Variants in GAPVD1 observed in about 807,000 individuals in gnomAD.
The protein encoded by GAPVD1 is GTPase activating protein and VPS9 domains 1.
GAPVD1 carries 35 observed loss-of-function variants against 155.5 expected under a neutral mutation model. The ratio of observed to expected loss-of-function variants is 0.23; its 90% CI spans 0.17 to 0.30. The LOEUF is 0.30. Ranked by LOEUF, GAPVD1 falls within the 10% of genes least tolerant of loss-of-function variation. GAPVD1 has a pLI of 1.00. For missense variants in GAPVD1, 1,429 were observed against 1,775.7 expected (o/e 0.80, Z 3.51); for synonymous variants, 636 against 619.7 (o/e 1.03, Z -0.39).
intron 6 of GAPVD1, among the ~76,000 whole-genome samples, chr9:125,305,578 C>T (rs911631810): frequency 2.0e-5 from 3 of 152,076 alleles, no homozygotes; most frequent in Admixed American, 1.3e-4. Flanking sequence ...ACCTTCTTGG[C>T]CAGGCTGGTC....
At chr9:125,323,143 G>C (rs995253250) in intron 10 of GAPVD1, among the ~76,000 whole-genome samples, 11 of 149,370 alleles carry the variant, frequency 7.4e-5, no homozygotes, top group Non-Finnish European at 1.6e-4. Context: ...TCTCACTTTT[G>C]TTGCCCAGGC....
chr9:125,308,030 G>T, intron 8 of GAPVD1, 150 bp downstream of exon 8: 2 of 642,046 alleles, frequency 3.1e-6, no homozygotes, highest in Non-Finnish European at 5.5e-6. Context: ...TTTAGAAATC[G>T]TATCAGATTA....
At chr9:125,265,712 A>G (rs1237835765) in intron 1 of GAPVD1, among the ~76,000 whole-genome samples, 1 of 11,144 alleles carries the variant, frequency 9.0e-5, no homozygotes, top group Non-Finnish European at 1.9e-4. Context: ...CGCCCGGCCA[A>G]AAAAAAAATT....
chr9:125,286,945 G>C (rs1191040520), intron 2 of GAPVD1, among the ~76,000 whole-genome samples: 2 of 151,994 alleles, frequency 1.3e-5, no homozygotes, highest in Non-Finnish European at 2.9e-5. Flanking sequence ...TTAGCTGGAC[G>C]TGGTCGGGGG....
intron 2 of GAPVD1, among the ~76,000 whole-genome samples, chr9:125,272,310 C>T (rs1835050222): frequency 6.6e-6 from 1 of 152,208 alleles, no homozygotes; most frequent in Middle Eastern, 3.2e-3. Context: ...GCGTGAACCT[C>T]CGCGCCCAGC....
At chr9:125,331,431 C>T (rs1297765553) in intron 13 of GAPVD1, among the ~76,000 whole-genome samples, 1 of 152,116 alleles carries the variant, frequency 6.6e-6, no homozygotes, top group Non-Finnish European at 1.5e-5. Flanking sequence ...GAACTCCTGA[C>T]CTCAGGTGAT....
At chr9:125,351,982 C>T (rs1221161833) in intron 23 of GAPVD1, among the ~76,000 whole-genome samples, 5 of 152,144 alleles carry the variant, frequency 3.3e-5, no homozygotes, top group African/African-American at 1.2e-4. Flanking sequence ...CTCAAGTGAT[C>T]CACCTAACTC....
rs1849951145 is a variant in GAPVD1 at position 125,355,569 on chromosome 9, T to C, written c.3758-75T>C. On this transcript the variant is annotated intron_variant, in intron 24 of 27. Transcript: ENST00000297933. ...CTGCATAGCTAGTGATTAAAATTAT[T>C]TCTATGATTTCCTTTTTAAAATTAT... is the stretch of plus-strand genomic sequence containing the variant. 4.2e-6 allele frequency: 4 copies of C among 944,322 alleles called. No individual in the cohort carries two copies. In the Admixed American group the frequency reaches 1.0e-4, roughly 24 times the overall value. 58.5% of individuals were successfully genotyped at this position (944,322 alleles called of 1,614,324 possible). A position where few individuals can be genotyped will look rare whatever the true frequency, so the allele number is the denominator to read the frequency against.
chr9:125,345,012 A>T (rs567773342), intron 19 of GAPVD1, among the ~76,000 whole-genome samples: 1 of 152,118 alleles, frequency 6.6e-6, no homozygotes, highest in South Asian at 2.1e-4. Context: ...ATACTCAGGG[A>T]ATTGGTTCCA....
chr9:125,313,233 T>A (rs1048790100), intron 9 of GAPVD1, among the ~76,000 whole-genome samples: 1 of 152,112 alleles, frequency 6.6e-6, no homozygotes, highest in Non-Finnish European at 1.5e-5. Context: ...GGGTTAGAAT[T>A]TCAACATACA....
intron 1 of GAPVD1, chr9:125,264,177 A>G (rs570655130): frequency 4.5e-6 from 3 of 662,040 alleles, no homozygotes; most frequent in East Asian, 5.5e-5. Context: ...AAAAATTTGG[A>G]TGGGATCAGG....
chr9:125,351,336 C>G (rs1204741756), intron 23 of GAPVD1, among the ~76,000 whole-genome samples: 1 of 152,184 alleles, frequency 6.6e-6, no homozygotes, highest in African/African-American at 2.4e-5. Flanking sequence ...GGGGACACAG[C>G]CAAACCATAT....
chr9:125,361,407 G>A (rs892683450), intron 27 of GAPVD1, among the ~76,000 whole-genome samples: 3 of 151,732 alleles, frequency 2.0e-5, no homozygotes, highest in South Asian at 2.1e-4. Flanking sequence ...TCCTGTAATC[G>A]CAGCTACTTG....
chr9:125,354,968 G>A (rs1849847836), intron 24 of GAPVD1, 127 bp downstream of exon 24: 2 of 567,660 alleles, frequency 3.5e-6, no homozygotes, highest in Admixed American at 3.1e-5. Context: ...TTATTTTATG[G>A]AATCTTAATA....
chr9:125,355,267 A>G (rs996251167), intron 24 of GAPVD1, among the ~76,000 whole-genome samples: 2 of 152,002 alleles, frequency 1.3e-5, no homozygotes, highest in Non-Finnish European at 2.9e-5. Context: ...CACCACGCCC[A>G]GCTAATTTTC....
intron 26 of GAPVD1, 185 bp downstream of exon 26, chr9:125,359,677 A>G (rs1850642552): frequency 5.5e-6 from 3 of 542,204 alleles, no homozygotes; most frequent in East Asian, 3.0e-5. Context: ...ATTCCCTGGT[A>G]TGAAATAGTA....
chr9:125,276,072 A>G (rs1362605121), intron 2 of GAPVD1, among the ~76,000 whole-genome samples: 1 of 152,178 alleles, frequency 6.6e-6, no homozygotes, highest in African/African-American at 2.4e-5. Flanking sequence ...TTTACTTTTG[A>G]CATCTTCCAG....
Position 125,332,028 on chromosome 9 carries a change from G to A in GAPVD1, c.2276G>A (p.Arg759His). 6.2e-7 allele frequency: 1 copy of A among 1,614,006 alleles called. No homozygotes were observed. The highest frequency in any genetic ancestry group is 8.5e-7 in the Non-Finnish European group (1 of 1,179,930). ...ACGGATGTCAGGGAGGTCAGTTCCC[G>A]CCCCAGCACACCAGGCCTCAGTGTT... is the stretch of plus-strand genomic sequence containing the variant. ...DDTDVREVSS[R>H]PSTPGLSVVS... Residue 759 changes from arginine to histidine, a missense_variant, in exon 14 of 28, where the codon CGC becomes CAC. By Grantham distance (29) the Arg-to-His change is conservative. Around this residue, in one of 4 missense-constraint regions of GAPVD1, gnomAD observed 699 missense variants for 826.0 expected, o/e 0.85. Coordinates refer to ENST00000297933, the MANE Select transcript of GAPVD1 (RefSeq NM_001282680.3).
In GAPVD1 at chr9:125,354,818, A is replaced by G; in HGVS notation, c.3734A>G (p.Lys1245Arg). 6.2e-7 allele frequency: 1 copy of G among 1,613,438 alleles called. No individual in the cohort carries two copies. Among genetic ancestry groups the G allele is most frequent in the Non-Finnish European group, 8.5e-7 (1 of 1,179,322 alleles). The stretch of plus-strand genomic sequence containing the variant: ...AGATTACTGCTTGAGAGCAAAGAAA[A>G]GAAGATCAGGGAATTCATTCAAGGT... ...CVRLLLESKE[K>R]KIREFIQDFQ... The change falls in exon 24 of 28, where the codon AAG becomes AGG. Residue 1245 changes from lysine (K) to arginine (R), a missense_variant. Lys to Arg is a conservative substitution (Grantham distance 26). Transcript: ENST00000297933.
Sources: allele counts gnomAD v4.1 joint callset (sites outside exome capture counted in the v4.1 genomes callset), GRCh38; gene constraint gnomAD v4.1.1; regional missense constraint gnomAD v4.1.1; transcripts MANE v1.5; gene names NCBI Gene and HGNC (gene_info 2026-07-23, HGNC 2026-07-21).